Variants in FAM222A observed in about 807,000 individuals in gnomAD.
The protein encoded by FAM222A is family with sequence similarity 222 member A.
FAM222A carries 7 observed loss-of-function variants against 25.8 expected under a neutral mutation model. The ratio of observed to expected loss-of-function variants is 0.27; its 90% CI spans 0.15 to 0.51. The LOEUF (loss-of-function observed/expected upper bound fraction) is 0.51. Among genes scored for constraint, FAM222A ranks in the 20% least tolerant of loss-of-function variants. FAM222A has a pLI of 0.97. For missense variants in FAM222A, 573 were observed against 640.5 expected (o/e 0.89, Z 1.14); for synonymous variants, 294 against 298.8 (o/e 0.98, Z 0.17).
chr12:109,769,701 AG>A lies in FAM222A; in HGVS notation c.*417del, dbSNP rs1466680676. The A allele has an allele frequency of 9.6e-6, 2 of 207,870 alleles. No individual in the cohort carries two copies. The highest frequency in any genetic ancestry group is 1.0e-4 in the South Asian group (1 of 9,620). The allele number at this position is 207,870 out of a possible 1,614,324, so 12.9% of individuals were successfully genotyped here. Reference sequence around the variant, plus strand: ...AGGGTGGGGGCAGGGCAGCCCCCCCAGGGGTCAGGCAGCTGTGTCTCCCCAC... The same window carrying A: ...AGGGTGGGGGCAGGGCAGCCCCCCCAGGGTCAGGCAGCTGTGTCTCCCCAC... On this transcript the variant is annotated 3_prime_UTR_variant, in exon 3 of 3. Coordinates refer to ENST00000538780, the MANE Select transcript of FAM222A (RefSeq NM_032829.3).
At chr12:109,764,028 G>A (rs967684199) in intron 2 of FAM222A, among the ~76,000 whole-genome samples, 9 of 152,068 alleles carry the variant, frequency 5.9e-5, no homozygotes, top group East Asian at 1.9e-4. Flanking sequence ...CCACGAGTTC[G>A]AGACCAGCCT....
chr12:109,761,591 A>G (rs964320458), intron 2 of FAM222A, among the ~76,000 whole-genome samples: 7 of 152,154 alleles, frequency 4.6e-5, no homozygotes, highest in African/African-American at 1.7e-4. Context: ...AGAGCCTGCG[A>G]GGGTGTAGTA....
chr12:109,742,465 G>A (rs543672173), intron 1 of FAM222A, among the ~76,000 whole-genome samples: 5 of 152,302 alleles, frequency 3.3e-5, no homozygotes, highest in African/African-American at 1.2e-4. Context: ...GATTGTAATG[G>A]CCTATTTTAA....
intron 1 of FAM222A, among the ~76,000 whole-genome samples, chr12:109,723,601 A>G (rs1887788717): frequency 6.6e-6 from 1 of 152,202 alleles, no homozygotes; most frequent in African/African-American, 2.4e-5. Flanking sequence ...CCAAGTCCCT[A>G]CTGGGCAGGG....
chr12:109,734,043 C>G (rs1354666502), intron 1 of FAM222A: 1 of 152,156 alleles, frequency 6.6e-6, no homozygotes, highest in East Asian at 1.9e-4. Flanking sequence ...CAAGATCCCA[C>G]ATCTACAAAA....
At chr12:109,717,123 A>G (rs964931946) in intron 1 of FAM222A, among the ~76,000 whole-genome samples, 2 of 152,172 alleles carry the variant, frequency 1.3e-5, no homozygotes, top group Non-Finnish European at 2.9e-5. Flanking sequence ...GCTATCAGCC[A>G]TGGAGGGGGA....
chr12:109,751,521 C>T (rs571428272), intron 2 of FAM222A, among the ~76,000 whole-genome samples: 2 of 152,126 alleles, frequency 1.3e-5, no homozygotes, highest in Admixed American at 6.5e-5. Flanking sequence ...AGTCCATTTG[C>T]GGGAGCTTCA....
chr12:109,743,545 C>T (rs1888303538), intron 1 of FAM222A, among the ~76,000 whole-genome samples: 1 of 152,182 alleles, frequency 6.6e-6, no homozygotes, highest in South Asian at 2.1e-4. Flanking sequence ...TCAAGAGCCC[C>T]TTGTTCTCTC....
chr12:109,739,065 A>T (rs1363426597), intron 1 of FAM222A, among the ~76,000 whole-genome samples: 1 of 152,218 alleles, frequency 6.6e-6, no homozygotes, highest in African/African-American at 2.4e-5. Context: ...TTTGGCCTTG[A>T]ATGGAGCCAC....
chr12:109,758,835 T>C (rs996722152), intron 2 of FAM222A, among the ~76,000 whole-genome samples: 1 of 152,096 alleles, frequency 6.6e-6, no homozygotes, highest in Non-Finnish European at 1.5e-5. Flanking sequence ...CCTTCCATCC[T>C]AGAGAAGCCC....
In FAM222A at chr12:109,713,920, C is replaced by T. The variant is rs1422506868; in HGVS notation, c.-1024C>T. ...GCCGGGGGAGGCGGACAGCCGGGCC[C>T]GGCGCCTGTGGGGCGCGGCGCGCGG... On this transcript the variant is annotated 5_prime_UTR_variant, in exon 1 of 3. Transcript: ENST00000538780. Among the ~76,000 whole-genome samples, 1 of 146,362 alleles carries T rather than the reference C, an allele frequency of 6.8e-6. No homozygotes were observed. The highest frequency in any genetic ancestry group is 1.5e-5 in the Non-Finnish European group (1 of 65,924).
chr12:109,750,712 C>T (rs1045215949), intron 2 of FAM222A, among the ~76,000 whole-genome samples: 1 of 151,514 alleles, frequency 6.6e-6, no homozygotes, highest in African/African-American at 2.4e-5. Context: ...CTCATGTGAA[C>T]AATACTCCTG....
chr12:109,754,739 C>T (rs1262629503), intron 2 of FAM222A, among the ~76,000 whole-genome samples: 1 of 151,692 alleles, frequency 6.6e-6, no homozygotes, highest in African/African-American at 2.4e-5. Context: ...ATGGTCATGG[C>T]TCGCTACAGC....
intron 1 of FAM222A, among the ~76,000 whole-genome samples, chr12:109,723,948 CT>C (rs1052652777): frequency 1.3e-5 from 2 of 151,846 alleles, no homozygotes; most frequent in African/African-American, 2.4e-5. Context: ...AAAAAATCCC[CT>C]TTTTTTTTCT....
intron 1 of FAM222A, among the ~76,000 whole-genome samples, chr12:109,715,688 G>A (rs764671335): frequency 8.5e-5 from 13 of 152,192 alleles, no homozygotes; most frequent in African/African-American, 2.2e-4. Context: ...GCTCCTCCCC[G>A]CAAGGACAGG....
intron 2 of FAM222A, among the ~76,000 whole-genome samples, chr12:109,758,085 A>C (rs1888785487): frequency 6.6e-6 from 1 of 152,214 alleles, no homozygotes; most frequent in Non-Finnish European, 1.5e-5. Flanking sequence ...TGGCCGCTCC[A>C]GGGCTGTGGG....
chr12:109,767,989 T>C (rs1421522975), intron 2 of FAM222A, 23 bp from the exon 3 acceptor site: 3 of 1,603,348 alleles, frequency 1.9e-6, no homozygotes, highest in Admixed American at 1.7e-5. Flanking sequence ...TGATGGGCCC[T>C]CACACCTGCT....
chr12:109,715,442 A>C (rs1887624628), intron 1 of FAM222A, among the ~76,000 whole-genome samples: 1 of 152,206 alleles, frequency 6.6e-6, no homozygotes, highest in Non-Finnish European at 1.5e-5. Flanking sequence ...TGGGGGCACG[A>C]CATGACGTCA....
chr12:109,766,327 T>C (rs1200658072), intron 2 of FAM222A, among the ~76,000 whole-genome samples: 3 of 152,256 alleles, frequency 2.0e-5, no homozygotes, highest in Admixed American at 6.5e-5. Context: ...GGCAGGAGTC[T>C]GCCCGCCATG....
Sources: allele counts gnomAD v4.1 joint callset (sites outside exome capture counted in the v4.1 genomes callset), GRCh38; gene constraint gnomAD v4.1.1; transcripts MANE v1.5; gene names NCBI Gene and HGNC (gene_info 2026-07-23, HGNC 2026-07-21).